The following RGS7 variants were observed in gnomAD, a reference collection of about 807,000 sequenced individuals.
RGS7 encodes regulator of G protein signaling 7.
In RGS7, 27 loss-of-function variants were observed where a neutral mutation model predicts 81.1. That is an observed-to-expected ratio of 0.33 (90% CI 0.25 to 0.46). The LOEUF (loss-of-function observed/expected upper bound fraction) is 0.46. Ranked by LOEUF, RGS7 falls within the 20% of genes least tolerant of loss-of-function variation. The pLI is 1.00. For synonymous variants in RGS7, 208 were observed against 207.7 expected, an observed-to-expected ratio of 1.00 and a Z score of -0.01; for missense variants, 396 against 607.4, an observed-to-expected ratio of 0.65 and a Z score of 3.66.
At chr1:240,931,384 TC>T (rs1675410378) in intron 5 of RGS7, among the ~76,000 whole-genome samples, 2 of 152,160 alleles carry the variant, frequency 1.3e-5, no homozygotes, top group South Asian at 4.1e-4. Context: ...ACAGGGTGAC[TC>T]GAGTCAATAG....
chr1:241,016,545 A>G (rs2059244492), intron 3 of RGS7, among the ~76,000 whole-genome samples: 1 of 148,174 alleles, frequency 6.7e-6, no homozygotes, highest in Admixed American at 6.6e-5. Context: ...AAAATCAACA[A>G]CAACAAAAAC....
intron 2 of RGS7, among the ~76,000 whole-genome samples, chr1:241,109,792 T>C (rs1480827994): frequency 6.6e-6 from 1 of 151,892 alleles, no homozygotes; most frequent in Non-Finnish European, 1.5e-5. Context: ...ACCGTCTCTC[T>C]ACTAAAAATA....
intron 6 of RGS7, among the ~76,000 whole-genome samples, chr1:240,929,856 T>A (rs976994070): frequency 6.6e-6 from 1 of 152,166 alleles, no homozygotes; most frequent in African/African-American, 2.4e-5. Context: ...TTCACATAAT[T>A]TTGCATATAT....
intron 9 of RGS7, among the ~76,000 whole-genome samples, chr1:240,851,588 G>T (rs1049506883): frequency 2.0e-5 from 3 of 152,180 alleles, no homozygotes; most frequent in Admixed American, 6.5e-5. Context: ...TACAGCTATT[G>T]TAGATGATCA....
intron 3 of RGS7, among the ~76,000 whole-genome samples, chr1:241,052,359 G>A (rs561039218): frequency 1.4e-4 from 22 of 152,226 alleles, no homozygotes; most frequent in Middle Eastern, 3.4e-3. Flanking sequence ...TGAGGTGGAC[G>A]TTAACAGATG....
intron 3 of RGS7, among the ~76,000 whole-genome samples, chr1:241,077,913 C>T (rs2062893633): frequency 6.6e-6 from 1 of 151,726 alleles, no homozygotes; most frequent in South Asian, 2.1e-4. Context: ...CAGAATGAAG[C>T]AAAAAACAGG....
At chr1:240,916,442 C>A (rs558842598) in intron 6 of RGS7, among the ~76,000 whole-genome samples, 1 of 151,990 alleles carries the variant, frequency 6.6e-6, no homozygotes, top group Admixed American at 6.6e-5. Context: ...TGAGATTTTC[C>A]CCAAGTTAAT....
chr1:240,971,601 T>C (rs1194653051), intron 4 of RGS7, among the ~76,000 whole-genome samples: 2 of 152,220 alleles, frequency 1.3e-5, no homozygotes, highest in Non-Finnish European at 2.9e-5. Context: ...TTAAGCATTA[T>C]TTATAATATA....
chr1:241,073,978 G>A (rs990104132), intron 3 of RGS7, among the ~76,000 whole-genome samples: 7 of 150,918 alleles, frequency 4.6e-5, no homozygotes, highest in African/African-American at 1.2e-4. Flanking sequence ...TCAGCTCACC[G>A]TAACCTCCGC....
intron 3 of RGS7, among the ~76,000 whole-genome samples, chr1:241,044,191 G>C (rs1267991994): frequency 6.7e-6 from 1 of 148,928 alleles, no homozygotes; most frequent in Non-Finnish European, 1.5e-5. Flanking sequence ...TGGGCTCACT[G>C]CAACCCCGCC....
At chr1:241,264,911 C>T (rs1403488250) in intron 2 of RGS7, among the ~76,000 whole-genome samples, 1 of 152,218 alleles carries the variant, frequency 6.6e-6, no homozygotes, top group Non-Finnish European at 1.5e-5. Flanking sequence ...GGAGATCCTC[C>T]AGCGGCCTAA....
At chr1:241,197,967 A>G (rs1197069993) in intron 2 of RGS7, among the ~76,000 whole-genome samples, 2 of 151,704 alleles carry the variant, frequency 1.3e-5, no homozygotes, top group Non-Finnish European at 3.0e-5. Context: ...CTATCTGTCT[A>G]CCTACCTACC....
chr1:241,088,435 G>A (rs1433439660), intron 3 of RGS7, among the ~76,000 whole-genome samples: 1 of 151,912 alleles, frequency 6.6e-6, no homozygotes, highest in East Asian at 1.9e-4. Context: ...TCCCTTTTCT[G>A]CCTAAAAGCA....
At chr1:241,028,318 G>A (rs759616843) in intron 3 of RGS7, among the ~76,000 whole-genome samples, 39 of 152,182 alleles carry the variant, frequency 2.6e-4, no homozygotes, top group Non-Finnish European at 5.4e-4. Flanking sequence ...TTACCTGACA[G>A]TGTCAACATT....
intron 18 of RGS7, among the ~76,000 whole-genome samples, chr1:240,798,180 C>T (rs1476535197): frequency 6.6e-6 from 1 of 152,022 alleles, no homozygotes; most frequent in East Asian, 1.9e-4. Context: ...AAAACAACAA[C>T]AAAACACACA....
chr1:240,967,671 C>T (rs1305779166), intron 4 of RGS7, among the ~76,000 whole-genome samples: 1 of 151,660 alleles, frequency 6.6e-6, no homozygotes, highest in African/African-American at 2.4e-5. Flanking sequence ...AGAAAATGAC[C>T]ACATATGGGG....
intron 2 of RGS7, among the ~76,000 whole-genome samples, chr1:241,167,414 C>T (rs1472117465): frequency 3.3e-5 from 5 of 152,108 alleles, no homozygotes; most frequent in African/African-American, 7.2e-5. Flanking sequence ...CCTTGAGATC[C>T]GGTGGGGTCA....
chr1:241,310,356 G>A (rs2080434674), intron 2 of RGS7, among the ~76,000 whole-genome samples: 1 of 150,514 alleles, frequency 6.6e-6, no homozygotes, highest in East Asian at 1.9e-4. Context: ...TAGAGACGAA[G>A]GTGTGAGAGT....
chr1:241,006,123 T>TAA (rs35721095), intron 3 of RGS7, among the ~76,000 whole-genome samples: 1 of 151,542 alleles, frequency 6.6e-6, no homozygotes, highest in African/African-American at 2.4e-5. Flanking sequence ...AAGGTTAGGA[T>TAA]AAAAAAAAAC....
Sources: gnomAD v4.1 joint callset for allele counts (sites outside exome capture counted in the v4.1 genomes callset) on GRCh38, gnomAD v4.1.1 for gene constraint, MANE v1.5 for transcripts, NCBI Gene and HGNC (gene_info 2026-07-23, HGNC 2026-07-21) for gene names.